ADCY10: variants seen among roughly 807,000 people sequenced by gnomAD.
The protein encoded by ADCY10 is adenylate cyclase 10.
A neutral mutation model predicts 183.3 loss-of-function variants in ADCY10; 156 were observed. That is an observed-to-expected ratio of 0.85 (90% CI 0.75 to 0.97). ADCY10 has a LOEUF of 0.97. ADCY10 is among the 50% of genes least tolerant of loss of function. The pLI is 0.00. For synonymous variants in ADCY10, 645 were observed against 670.0 expected, an observed-to-expected ratio of 0.96 and a Z score of 0.58; for missense variants, 1,745 against 1,934.3, an observed-to-expected ratio of 0.90 and a Z score of 1.84.
At chr1:167,826,305 A>G (rs1361889751) in intron 26 of ADCY10, among the ~76,000 whole-genome samples, 4 of 152,226 alleles carry the variant, frequency 2.6e-5, no homozygotes, top group Non-Finnish European at 4.4e-5. Flanking sequence ...GACCAAGAGA[A>G]TGGAGGTCCA....
intron 14 of ADCY10, among the ~76,000 whole-genome samples, chr1:167,861,671 TG>T (rs1413521671): frequency 6.6e-6 from 1 of 152,222 alleles, no homozygotes; most frequent in African/African-American, 2.4e-5. Flanking sequence ...CTTTCTTCTC[TG>T]AACTTCCACA....
intron 5 of ADCY10, among the ~76,000 whole-genome samples, chr1:167,900,922 A>G (rs1025501007): frequency 1.3e-5 from 2 of 152,218 alleles, no homozygotes; most frequent in Non-Finnish European, 2.9e-5. Flanking sequence ...TGATCCTATC[A>G]GGTATGACAT....
intron 9 of ADCY10, 53 bp from the exon 10 acceptor site, chr1:167,880,662 G>A (rs1667814225): frequency 1.5e-6 from 2 of 1,374,554 alleles, no homozygotes; most frequent in Non-Finnish European, 2.1e-6. Context: ...GCTTTAAACT[G>A]GACTGGCCAG....
At chr1:167,829,490 C>T in intron 25 of ADCY10, 67 bp from the exon 26 acceptor site, 1 of 1,591,372 alleles carries the variant, frequency 6.3e-7, no homozygotes, top group Non-Finnish European at 8.6e-7. Flanking sequence ...TAGGGGAGCA[C>T]AGGTACATGG....
At chr1:167,825,622 AG>A (rs1458904381) in intron 26 of ADCY10, among the ~76,000 whole-genome samples, 1 of 152,150 alleles carries the variant, frequency 6.6e-6, no homozygotes, top group East Asian at 1.9e-4. Context: ...TCTCTACAAA[AG>A]ATTTTAAAAA....
intron 31 of ADCY10, among the ~76,000 whole-genome samples, chr1:167,814,814 A>G (rs535530568): frequency 6.6e-6 from 1 of 152,148 alleles, no homozygotes; most frequent in African/African-American, 2.4e-5. Flanking sequence ...GTTTTATGCT[A>G]TGTGTATTTG....
intron 5 of ADCY10, 137 bp downstream of exon 5, chr1:167,901,525 T>C: frequency 1.1e-6 from 1 of 903,464 alleles, no homozygotes; most frequent in Non-Finnish European, 1.8e-6. Flanking sequence ...ACATTCTGAT[T>C]GTCCTGATGC....
intron 21 of ADCY10, among the ~76,000 whole-genome samples, chr1:167,839,844 C>T (rs771476113): frequency 5.9e-5 from 9 of 152,070 alleles, no homozygotes; most frequent in South Asian, 2.1e-4. Context: ...GTTGCATAAA[C>T]GCACGTTTGT....
At chr1:167,830,691 G>T (rs1335315388) in intron 25 of ADCY10, among the ~76,000 whole-genome samples, 1 of 152,132 alleles carries the variant, frequency 6.6e-6, no homozygotes, top group Non-Finnish European at 1.5e-5. Flanking sequence ...ACTGCGCCTG[G>T]CCAAAAAATG....
chr1:167,838,886 A>G (rs1664419865), intron 21 of ADCY10, among the ~76,000 whole-genome samples: 2 of 152,074 alleles, frequency 1.3e-5, no homozygotes, highest in Admixed American at 6.6e-5. Context: ...TCATATATCC[A>G]TTTTCTCAAG....
At chr1:167,906,091 A>T (rs1669792205) in intron 1 of ADCY10, among the ~76,000 whole-genome samples, 1 of 152,196 alleles carries the variant, frequency 6.6e-6, no homozygotes, top group African/African-American at 2.4e-5. Flanking sequence ...AGTAGGTCAT[A>T]TTGGGATATA....
In ADCY10 at chr1:167,837,219, TAC is replaced by T. The variant is rs1162243805; in HGVS notation, c.3077+28_3077+29del. On this transcript the variant is annotated intron_variant, in intron 22 of 32. Transcript: ENST00000367851. ...AATTTAATGACAATTATTTATGCTC[TAC>T]TTCCTAAACAATGATATATGCCTCT... The T allele has an allele frequency of 1.9e-6, 3 of 1,557,710 alleles. No homozygotes were observed. The African/African-American group carries it at 4.1e-5, about 21-fold the overall frequency.
At chr1:167,837,060 A>T in intron 22 of ADCY10, 189 bp downstream of exon 22, 1 of 652,154 alleles carries the variant, frequency 1.5e-6, no homozygotes, top group Non-Finnish European at 2.8e-6. Flanking sequence ...TATCTTTAAA[A>T]ACAAAAGAGC....
Position 167,860,751 on chromosome 1 carries a change from C to T in ADCY10, c.1809+120G>A. On this transcript the variant is annotated intron_variant, in intron 15 of 32. Transcript: ENST00000367851. ...TCCAGAGAGGATTGGGAGCCATTTA[C>T]TCACCATCTGGATACTGCAGATATA... 6 of 811,232 alleles carry T rather than the reference C, an allele frequency of 7.4e-6. No homozygotes were observed. In the Admixed American group the frequency reaches 9.4e-5, roughly 13 times the overall value. The allele number at this position is 811,232 out of a possible 1,614,324, so 50.3% of individuals were successfully genotyped here.
Position 167,890,944 on chromosome 1 carries a change from C to CATTT in ADCY10, c.828+2905_828+2908dup, listed in dbSNP as rs549411800. Among the ~76,000 whole-genome samples the CATTT allele has an allele frequency of 1.0e-3, 153 of 152,234 alleles. 1 individual carries two copies. The highest frequency in any genetic ancestry group is 3.6e-3 in the African/African-American group (148 of 41,540). On this transcript the variant is annotated intron_variant, in intron 8 of 32. Transcript: ENST00000367851. ...CCAAATCTCCAGACTCCTCATCCAA[C>CATTT]ATTTATTTATTTATTTAGTTAGTTA...
chr1:167,872,617 C>G (rs1344783562), intron 13 of ADCY10, among the ~76,000 whole-genome samples: 2 of 151,742 alleles, frequency 1.3e-5, no homozygotes, highest in Non-Finnish European at 2.9e-5. Flanking sequence ...CATGCTGTTG[C>G]AATTTCATTT....
chr1:167,849,902 C>G lies in ADCY10; in HGVS notation c.2309-1413G>C, dbSNP rs141162126. Among the ~76,000 whole-genome samples, 16 of 152,168 alleles carry G rather than the reference C, an allele frequency of 1.1e-4. No homozygotes were observed. In the East Asian group the frequency reaches 3.1e-3, roughly 29 times the overall value. On this transcript the variant is annotated intron_variant, in intron 18 of 32. Transcript: ENST00000367851. ...TAGCGAGTTAGGGGAATGGAGCGGC[C>G]CAGCGTGACTAAAGTGCAGGGCCTG... is the stretch of plus-strand genomic sequence containing the variant.
intron 28 of ADCY10, among the ~76,000 whole-genome samples, chr1:167,823,909 C>T (rs1663087650): frequency 1.3e-5 from 2 of 152,232 alleles, no homozygotes; most frequent in Admixed American, 6.5e-5. Context: ...CCTTTGTCTC[C>T]ACCTGACAGA....
At chr1:167,890,089 G>A (rs77108496) in intron 8 of ADCY10, among the ~76,000 whole-genome samples, 5,570 of 152,232 alleles carry the variant, frequency 0.037, 310 homozygotes, top group African/African-American at 0.13. Context: ...GTGAGGTCAT[G>A]TTTTCCTGGA....
Sources: allele counts gnomAD v4.1 joint callset (sites outside exome capture counted in the v4.1 genomes callset), GRCh38; gene constraint gnomAD v4.1.1; transcripts MANE v1.5; gene names NCBI Gene and HGNC (gene_info 2026-07-23, HGNC 2026-07-21).